GYPE: variants seen among roughly 807,000 people sequenced by gnomAD.
The protein encoded by GYPE is glycophorin-E.
A neutral mutation model predicts 11.6 loss-of-function variants in GYPE; 8 were observed. The observed-to-expected ratio is 0.69, with a 90% CI of 0.41 to 1.25. The LOEUF is 1.25. GYPE is among the 50% of genes most tolerant of loss of function. The pLI, the probability that GYPE is intolerant of heterozygous loss-of-function variation, is 0.01. For missense variants in GYPE, 90 were observed against 92.8 expected, an observed-to-expected ratio of 0.97 and a Z score of 0.12; for synonymous variants, 28 against 29.6, an observed-to-expected ratio of 0.94 and a Z score of 0.18.
At chr4:143,892,775 G>A (rs202192433) in intron 1 of GYPE, among the ~76,000 whole-genome samples, 136,470 of 140,644 alleles carry the variant, frequency 0.97, 66,383 homozygotes, top group Non-Finnish European at 1. Flanking sequence ...GCTGAAAAAA[G>A]TGTATATTCT....
At chr4:143,894,013 T>G (rs556183740) in intron 1 of GYPE, among the ~76,000 whole-genome samples, 17 of 152,164 alleles carry the variant, frequency 1.1e-4, no homozygotes, top group Non-Finnish European at 4.4e-5. Flanking sequence ...TCATTTCTTT[T>G]TATTCTTTTT....
intron 3 of GYPE, among the ~76,000 whole-genome samples, chr4:143,872,680 A>T (rs1485644032): frequency 6.6e-6 from 1 of 152,172 alleles, no homozygotes; most frequent in Non-Finnish European, 1.5e-5. Flanking sequence ...TCGTAAACAA[A>T]GCAGATAAAA....
chr4:143,902,088 C>A (rs543623889), intron 1 of GYPE, among the ~76,000 whole-genome samples: 1 of 152,152 alleles, frequency 6.6e-6, no homozygotes, highest in Non-Finnish European at 1.5e-5. Context: ...AAAACTGAGG[C>A]CCACGGGTGT....
intron 1 of GYPE, among the ~76,000 whole-genome samples, chr4:143,903,537 A>AG (rs1226926472): frequency 2.0e-5 from 3 of 149,628 alleles, no homozygotes; most frequent in East Asian, 1.9e-4. Context: ...AAAAAAAAAA[A>AG]AAAAAGAAAA....
At chr4:143,880,550 T>C (rs761807754) in intron 1 of GYPE, 41 bp from the exon 2 acceptor site, 1 of 1,613,144 alleles carries the variant, frequency 6.2e-7, no homozygotes, top group African/African-American at 1.3e-5. Context: ...AAGAACGAGG[T>C]GACTGAGCGG....
chr4:143,881,740 A>G (rs1003951533), intron 1 of GYPE, among the ~76,000 whole-genome samples: 5 of 152,086 alleles, frequency 3.3e-5, no homozygotes, highest in Middle Eastern at 3.2e-3. Context: ...CTCTTCTGAG[A>G]GTTATAAATC....
At chr4:143,900,240 G>A (rs1418550492) in intron 1 of GYPE, among the ~76,000 whole-genome samples, 2 of 130,666 alleles carry the variant, frequency 1.5e-5, no homozygotes, top group Non-Finnish European at 3.3e-5. Flanking sequence ...AAACCACAGT[G>A]AAAAACCATT....
At chr4:143,898,429 C>G (rs1744743336) in intron 1 of GYPE, among the ~76,000 whole-genome samples, 1 of 152,080 alleles carries the variant, frequency 6.6e-6, no homozygotes, top group African/African-American at 2.4e-5. Context: ...CCATATTAAT[C>G]TTAGGCAAAG....
At chr4:143,889,877 C>T (rs952110087) in intron 1 of GYPE, among the ~76,000 whole-genome samples, 13 of 152,104 alleles carry the variant, frequency 8.5e-5, no homozygotes, top group Admixed American at 3.9e-4. Flanking sequence ...AAACATTGCC[C>T]GACTTGCTTA....
At chr4:143,891,543 C>T (rs562791369) in intron 1 of GYPE, among the ~76,000 whole-genome samples, 11 of 151,804 alleles carry the variant, frequency 7.2e-5, no homozygotes, top group East Asian at 1.9e-4. Context: ...TTAGCCAGGA[C>T]GATCTTGATC....
At chr4:143,893,859 C>A (rs910298387) in intron 1 of GYPE, among the ~76,000 whole-genome samples, 2 of 152,050 alleles carry the variant, frequency 1.3e-5, no homozygotes, top group Admixed American at 1.3e-4. Flanking sequence ...TGTTGGCCTG[C>A]CTTGCTAGAC....
At chr4:143,895,226 A>G (rs9799793) in intron 1 of GYPE, among the ~76,000 whole-genome samples, 141,223 of 152,170 alleles carry the variant, frequency 0.93, 66,474 homozygotes, top group East Asian at 1. Flanking sequence ...GTCCCTGTTC[A>G]CAGACGACAT....
chr4:143,896,408 TGCTC>T (rs1278734992), intron 1 of GYPE, among the ~76,000 whole-genome samples: 1 of 152,040 alleles, frequency 6.6e-6, no homozygotes, highest in African/African-American at 2.4e-5. Flanking sequence ...CATGAAAAAA[TGCTC>T]ATCATCACTG....
At chr4:143,875,491 G>C in intron 3 of GYPE, 1 of 1,551,070 alleles carries the variant, frequency 6.4e-7, no homozygotes, top group Non-Finnish European at 8.7e-7. Context: ...CAGGCAGCAT[G>C]CAGGCCACAT....
At chr4:143,881,254 A>G (rs963817543) in intron 1 of GYPE, among the ~76,000 whole-genome samples, 2 of 151,760 alleles carry the variant, frequency 1.3e-5, no homozygotes, top group African/African-American at 4.8e-5. Flanking sequence ...ATATCCTTTT[A>G]AAATCTCATT....
chr4:143,880,248 A>G (rs1329274242), intron 2 of GYPE, among the ~76,000 whole-genome samples, 163 bp downstream of exon 2: 1 of 152,222 alleles, frequency 6.6e-6, no homozygotes, highest in Non-Finnish European at 1.5e-5. Flanking sequence ...AGAGGCAAGA[A>G]TTCCTCTGTA....
chr4:143,905,361 C>A, intron 1 of GYPE, 110 bp downstream of exon 1: 2 of 1,534,252 alleles, frequency 1.3e-6, no homozygotes, highest in East Asian at 4.7e-5. Flanking sequence ...AGAGGAAATA[C>A]TACTCATTTA....
chr4:143,900,132 G>A (rs1744805386), intron 1 of GYPE, among the ~76,000 whole-genome samples: 1 of 151,500 alleles, frequency 6.6e-6, no homozygotes, highest in African/African-American at 2.4e-5. Context: ...AATGGGTGAA[G>A]GACTAGAACC....
intron 1 of GYPE, among the ~76,000 whole-genome samples, chr4:143,892,651 T>C (rs956296030): frequency 6.6e-6 from 1 of 152,034 alleles, no homozygotes; most frequent in African/African-American, 2.4e-5. Context: ...GAGTTCTAGT[T>C]TGATTGCACT....
Sources: gnomAD v4.1 joint callset for allele counts (sites outside exome capture counted in the v4.1 genomes callset) on GRCh38, gnomAD v4.1.1 for gene constraint, MANE v1.5 for transcripts, NCBI Gene and HGNC (gene_info 2026-07-23, HGNC 2026-07-21) for gene names.